TUSC3: variants seen among roughly 807,000 people sequenced by gnomAD.
TUSC3 encodes the protein dolichyl-diphosphooligosaccharide--protein glycosyltransferase subunit TUSC3.
TUSC3 carries 45 observed loss-of-function variants against 44.8 expected under a neutral mutation model. That is an observed-to-expected ratio of 1.00 (90% CI 0.79 to 1.29). TUSC3 has a LOEUF of 1.29. Ranked by LOEUF, TUSC3 falls within the 50% of genes most tolerant of loss-of-function variation. TUSC3 has a pLI of 0.00. For missense variants in TUSC3, 519 were observed against 437.9 expected (o/e 1.19, Z -1.65); for synonymous variants, 212 against 152.9 (o/e 1.39, Z -2.85).
the TUSC3 span, among the ~76,000 whole-genome samples, chr8:15,786,115 G>T: frequency 6.6e-6 from 1 of 152,116 alleles, no homozygotes; most frequent in Non-Finnish European, 1.5e-5. Flanking sequence ...CCTTTTAAAT[G>T]TAAAAGATTT....
chr8:15,720,422 C>T (rs959893656), intron 6 of TUSC3, among the ~76,000 whole-genome samples: 3 of 152,068 alleles, frequency 2.0e-5, no homozygotes. Flanking sequence ...GTCTGAAGGC[C>T]TGCAAAGCAA....
At chr8:15,676,446 C>A (rs1808193734) in intron 6 of TUSC3, among the ~76,000 whole-genome samples, 1 of 152,068 alleles carries the variant, frequency 6.6e-6, no homozygotes, top group Admixed American at 6.6e-5. Flanking sequence ...TTGATAGTTT[C>A]TTTTGCTGTG....
chr8:15,684,521 C>G (rs2129186942), intron 6 of TUSC3, among the ~76,000 whole-genome samples: 1 of 152,272 alleles, frequency 6.6e-6, no homozygotes, highest in South Asian at 2.1e-4. Context: ...TGTCGTAAGC[C>G]TTCTGCACCT....
chr8:15,523,195 C>T (rs1801321312), intron 2 of TUSC3, among the ~76,000 whole-genome samples: 2 of 152,124 alleles, frequency 1.3e-5, no homozygotes, highest in Admixed American at 6.5e-5. Flanking sequence ...TAATCCACTG[C>T]ACCAGTGAGT....
chr8:15,484,862 A>C (rs1055454590), intron 2 of TUSC3, among the ~76,000 whole-genome samples: 2 of 152,264 alleles, frequency 1.3e-5, no homozygotes, highest in Non-Finnish European at 2.9e-5. Flanking sequence ...GGAAAACTTC[A>C]TAAGACTACT....
At chr8:15,533,144 C>T (rs1161098206) in intron 2 of TUSC3, among the ~76,000 whole-genome samples, 12 of 152,276 alleles carry the variant, frequency 7.9e-5, no homozygotes, top group South Asian at 2.1e-4. Context: ...TCTTTCTTTA[C>T]GTGCCACCAT....
At chr8:15,687,242 G>C (rs1236335477) in intron 6 of TUSC3, among the ~76,000 whole-genome samples, 1 of 151,998 alleles carries the variant, frequency 6.6e-6, no homozygotes, top group African/African-American at 2.4e-5. Flanking sequence ...GTTTCCAGTA[G>C]TAGTACAGAT....
intron 6 of TUSC3, among the ~76,000 whole-genome samples, chr8:15,674,954 G>A (rs148842348): frequency 4.6e-5 from 7 of 151,834 alleles, no homozygotes; most frequent in Non-Finnish European, 7.4e-5. Context: ...CCTTCCTGAC[G>A]ACACTATTTA....
chr8:15,497,011 C>G (rs1800889635), intron 2 of TUSC3, among the ~76,000 whole-genome samples: 1 of 152,026 alleles, frequency 6.6e-6, no homozygotes, highest in Non-Finnish European at 1.5e-5. Flanking sequence ...TCCTCTATCT[C>G]TAAAAAGATA....
At chr8:15,531,521 G>C (rs1421370843) in intron 2 of TUSC3, among the ~76,000 whole-genome samples, 1 of 152,182 alleles carries the variant, frequency 6.6e-6, no homozygotes, top group Non-Finnish European at 1.5e-5. Context: ...CAAAGTGCTG[G>C]GATTACAGGC....
chr8:15,563,520 T>C (rs1244723666), intron 1 of TUSC3, among the ~76,000 whole-genome samples: 1 of 151,834 alleles, frequency 6.6e-6, no homozygotes, highest in Non-Finnish European at 1.5e-5. Context: ...ACCCTGTCTC[T>C]GCTAAAAATA....
chr8:15,607,624 C>G (rs1360452472), intron 1 of TUSC3, among the ~76,000 whole-genome samples: 7 of 152,144 alleles, frequency 4.6e-5, no homozygotes, highest in Non-Finnish European at 2.9e-5. Context: ...TATCGACTAC[C>G]TAGATTCCAC....
the TUSC3 span, among the ~76,000 whole-genome samples, chr8:15,843,221 C>T: frequency 0.031 from 4,783 of 152,208 alleles, 255 homozygotes; most frequent in African/African-American, 0.11. Flanking sequence ...CACTACAATA[C>T]ATTAGTTAAT....
At chr8:15,550,154 G>C (rs1585091648) in intron 1 of TUSC3, among the ~76,000 whole-genome samples, 2 of 151,846 alleles carry the variant, frequency 1.3e-5, no homozygotes, top group Admixed American at 1.3e-4. Flanking sequence ...ATTAGGTCAG[G>C]GGTCGTTCTT....
chr8:15,844,762 G>A, the TUSC3 span, among the ~76,000 whole-genome samples: 294 of 152,136 alleles, frequency 1.9e-3, no homozygotes, highest in Non-Finnish European at 3.0e-3. Context: ...ATCTACTTTA[G>A]ATTACCAACC....
chr8:15,641,921 G>A (rs908550339), intron 2 of TUSC3, among the ~76,000 whole-genome samples: 12 of 152,180 alleles, frequency 7.9e-5, no homozygotes, highest in Non-Finnish European at 1.0e-4. Flanking sequence ...TGGAAGTGAT[G>A]GAAATGTTTA....
chr8:15,630,218 A>G (rs1198279201), intron 2 of TUSC3, among the ~76,000 whole-genome samples: 1 of 152,196 alleles, frequency 6.6e-6, no homozygotes, highest in Non-Finnish European at 1.5e-5. Context: ...ACTTATGTAG[A>G]ATCAAGCAGG....
chr8:15,810,669 C>A, the TUSC3 span, among the ~76,000 whole-genome samples: 4 of 151,968 alleles, frequency 2.6e-5, no homozygotes, highest in East Asian at 1.9e-4. Flanking sequence ...GAAAGAAAAT[C>A]AAAATATTTT....
At chr8:15,448,578 A>G (rs1042562721) in intron 1 of TUSC3, among the ~76,000 whole-genome samples, 1 of 152,206 alleles carries the variant, frequency 6.6e-6, no homozygotes, top group African/African-American at 2.4e-5. Flanking sequence ...ATGATGTAGA[A>G]GATTATTATA....
Sources: gnomAD v4.1 joint callset for allele counts (sites outside exome capture counted in the v4.1 genomes callset) on GRCh38, gnomAD v4.1.1 for gene constraint, MANE v1.5 for transcripts, NCBI Gene and HGNC (gene_info 2026-07-23, HGNC 2026-07-21) for gene names.